PRSS57: variants seen among roughly 807,000 people sequenced by gnomAD.
The protein encoded by PRSS57 is neutrophil serine protease 4.
PRSS57 carries 19 observed loss-of-function variants against 20.6 expected under a neutral mutation model. That is an observed-to-expected ratio of 0.92 (90% confidence interval 0.64 to 1.35). PRSS57 has a LOEUF of 1.35. PRSS57 is among the 40% of genes most tolerant of loss of function. The pLI, the probability that PRSS57 is intolerant of heterozygous loss-of-function variation, is 0.00. For synonymous variants in PRSS57, 203 were observed against 176.6 expected (o/e 1.15, Z -1.19); for missense variants, 440 against 403.7 (o/e 1.09, Z -0.77).
chr19:692,006 CA>C lies in PRSS57; in HGVS notation c.234-5del. 1 of 1,314,644 alleles carries C rather than the reference CA, an allele frequency of 7.6e-7. No homozygotes were observed. The highest frequency in any genetic ancestry group is 9.8e-7 in the Non-Finnish European group (1 of 1,023,298). The allele number at this position is 1,314,644 out of a possible 1,614,324, so 81.4% of individuals were successfully genotyped here. ...CACCAGGCCAGTGCGGAGGTCTCTG[CA>C]GGGAGGAGGTGGTGGGTGAGACGGG... On this transcript the variant is annotated splice_polypyrimidine_tract_variant and splice_region_variant and intron_variant, in intron 2 of 4. Transcript: ENST00000329267.
At chr19:693,229 CCTTT>C (rs1257989204) in intron 2 of PRSS57, among the ~76,000 whole-genome samples, 11 of 109,126 alleles carry the variant, frequency 1.0e-4, no homozygotes, top group Non-Finnish European at 1.5e-4. Flanking sequence ...CCGCACCCGG[CCTTT>C]TTTTTTTTTT....
intron 3 of PRSS57, chr19:690,934 C>A: frequency 2.1e-6 from 1 of 471,980 alleles, no homozygotes; most frequent in Non-Finnish European, 4.0e-6. Flanking sequence ...GGCGCCTGTG[C>A]TCAAGAAGCT....
At chr19:688,601 A>AATTTTTTTTTTTTTT (rs2031542429) in intron 3 of PRSS57, among the ~76,000 whole-genome samples, 2 of 71,008 alleles carry the variant, frequency 2.8e-5, no homozygotes, top group Non-Finnish European at 5.4e-5. Context: ...CCACCCAGGG[A>AATTTTTTTTTTTTTT]CTTTTTTTTT....
Position 686,232 on chromosome 19 carries a change from C to T in PRSS57, c.643-310G>A, listed in dbSNP as rs566657374. 5.9e-5 allele frequency among the ~76,000 whole-genome samples: 9 copies of T among 152,188 alleles called. No individual in the cohort carries two copies. In the South Asian group the frequency reaches 6.2e-4, roughly 11 times the overall value. On this transcript the variant is annotated intron_variant, in intron 4 of 4. Coordinates refer to ENST00000329267, the MANE Select transcript of PRSS57 (RefSeq NM_001308209.2). The stretch of plus-strand genomic sequence containing the variant: ...GCAGTGCACAACCTACACAGCTGTA[C>T]GCGGCAGCCCTCTACTAACAGGTCT...
intron 3 of PRSS57, among the ~76,000 whole-genome samples, chr19:688,344 C>CTTTTTTT (rs370305351): frequency 7.0e-6 from 1 of 143,528 alleles, no homozygotes; most frequent in African/African-American, 2.6e-5. Context: ...GCTCCTCCTC[C>CTTTTTTT]TTTTTTTTTT....
chr19:692,134 G>T, intron 2 of PRSS57, 132 bp from the exon 3 acceptor site: 1 of 915,084 alleles, frequency 1.1e-6, no homozygotes, highest in Non-Finnish European at 1.4e-6. Flanking sequence ...CTTTGGGAGG[G>T]TGAGGAGGGT....
intron 4 of PRSS57, among the ~76,000 whole-genome samples, 172 bp downstream of exon 4, chr19:686,753 A>G (rs946309406): frequency 2.0e-5 from 3 of 152,132 alleles, no homozygotes; most frequent in Admixed American, 6.6e-5. Flanking sequence ...ACAGCTGAAC[A>G]TGGCAGCCCT....
At position 685,830 on chromosome 19, in the gene PRSS57, G is replaced by T. The variant is rs775513573; in HGVS notation, c.735C>A (p.Asp245Glu). 3 of 1,564,596 alleles carry T rather than the reference G, an allele frequency of 1.9e-6. No homozygotes were observed. Among genetic ancestry groups the T allele is most frequent in the Non-Finnish European group, 8.7e-7 (1 of 1,154,754 alleles). ...CAAAGGCGGACACCTGCGTGTACAC[G>T]TCGGGGGTCTTGGGGTCGCCGCACC... ...GLWCGDPKTP[D>E]VYTQVSAFVA... Residue 245 changes from aspartate (D) to glutamate (E), a missense_variant, in exon 5 of 5, where the codon GAC becomes GAA. Physicochemically the swap from Asp to Glu is conservative, Grantham distance 45. Transcript: ENST00000329267.
chr19:688,602 C>CTGTTT (rs1555684197), intron 3 of PRSS57, among the ~76,000 whole-genome samples: 4 of 110,208 alleles, frequency 3.6e-5, no homozygotes, highest in Admixed American at 8.7e-5. Flanking sequence ...CACCCAGGGA[C>CTGTTT]TTTTTTTTTT....
At position 687,005 on chromosome 19, in the gene PRSS57, T is replaced by A; in HGVS notation, c.562A>T (p.Asn188Tyr). 6.2e-7 allele frequency: 1 copy of A among 1,614,080 alleles called. No individual in the cohort carries two copies. The highest frequency in any genetic ancestry group is 8.5e-7 in the Non-Finnish European group (1 of 1,180,024). The change falls in exon 4 of 5, where the codon AAC (asparagine) becomes TAC (tyrosine). Residue 188 changes from asparagine to tyrosine, a missense_variant. By Grantham distance (143) the Asn-to-Tyr change is moderately radical. Coordinates refer to ENST00000329267, the MANE Select transcript of PRSS57 (RefSeq NM_001308209.2). ...GTCAGGTGGCCCTTCCAGGAGCTGTTGCAGACGTCCGGGTCCAGCACTCGG... is the reference window on the plus strand; with the variant it reads ...GTCAGGTGGCCCTTCCAGGAGCTGTAGCAGACGTCCGGGTCCAGCACTCGG... Reference protein sequence around the residue: ...KVRVLDPDVCNSSWKGHLTLT... With the variant: ...KVRVLDPDVCYSSWKGHLTLT...
intron 2 of PRSS57, among the ~76,000 whole-genome samples, chr19:694,466 G>A (rs62131274): frequency 0.55 from 82,579 of 150,842 alleles, 24,955 homozygotes; most frequent in Non-Finnish European, 0.69. Context: ...TACTCGGGAA[G>A]CTGAGGCAGG....
intron 2 of PRSS57, among the ~76,000 whole-genome samples, chr19:693,250 T>TTTTG (rs2031699585): frequency 2.0e-5 from 3 of 148,300 alleles, no homozygotes; most frequent in South Asian, 2.2e-4. Context: ...TTTTTTTTTT[T>TTTTG]GAGACAAGGT....
At chr19:694,671 C>T in intron 2 of PRSS57, 143 bp downstream of exon 2, 1 of 922,168 alleles carries the variant, frequency 1.1e-6, no homozygotes, top group Admixed American at 3.1e-5. Context: ...CCTGTTTTCC[C>T]TTTGTTGCCC....
At position 687,053 on chromosome 19, in the gene PRSS57, G is replaced by A. The variant is rs1387386388; in HGVS notation, c.514C>T (p.Pro172Ser). The change falls in exon 4 of 5, where the codon CCT becomes TCT. Residue 172 changes from proline to serine, a missense_variant. By Grantham distance (74) the Pro-to-Ser change is moderately conservative (BLOSUM62 -1). Transcript: ENST00000329267. ...GFVSDFEELP[P>S]GLMEAKVRVL... The stretch of plus-strand genomic sequence containing the variant: ...CGGACCTTGGCCTCCATCAGTCCAG[G>A]CGGCAGCTCCTCAAAGTCAGACACG... 6.2e-7 allele frequency: 1 copy of A among 1,614,056 alleles called. No homozygotes were observed. Among genetic ancestry groups the A allele is most frequent in the East Asian group, 2.2e-5 (1 of 44,876 alleles).
At chr19:686,166 G>T (rs1235978236) in intron 4 of PRSS57, among the ~76,000 whole-genome samples, 4 of 152,076 alleles carry the variant, frequency 2.6e-5, no homozygotes. Context: ...GCCCTGCGCT[G>T]GATGCTGCCT....
intron 3 of PRSS57, chr19:691,319 C>G (rs2031638617): frequency 6.6e-6 from 1 of 152,464 alleles, no homozygotes; most frequent in South Asian, 2.1e-4. Context: ...GCCTGGCCAA[C>G]ATAGTGAAAC....
At chr19:687,222 TC>T in intron 3 of PRSS57, 34 bp from the exon 4 acceptor site, 1 of 1,456,680 alleles carries the variant, frequency 6.9e-7, no homozygotes, top group South Asian at 1.4e-5. Context: ...GCCACTGGGC[TC>T]CCTCCCCACC....
chr19:691,515 AAAAAG>A (rs1487323358), intron 3 of PRSS57, among the ~76,000 whole-genome samples: 3 of 147,328 alleles, frequency 2.0e-5, no homozygotes, highest in South Asian at 2.2e-4. Context: ...AAAAAAAAAA[AAAAAG>A]AAAAGAAAAG....
intron 4 of PRSS57, among the ~76,000 whole-genome samples, 180 bp from the exon 5 acceptor site, chr19:686,102 C>T (rs1337071936): frequency 2.6e-5 from 4 of 152,142 alleles, no homozygotes; most frequent in Non-Finnish European, 5.9e-5. Context: ...CTGCCCTCCC[C>T]GCTGAGCCTC....
Sources: gnomAD v4.1 joint callset for allele counts (sites outside exome capture counted in the v4.1 genomes callset) on GRCh38, gnomAD v4.1.1 for gene constraint, MANE v1.5 for transcripts, NCBI Gene and HGNC (gene_info 2026-07-23, HGNC 2026-07-21) for gene names.